The following POLR3E variants were observed in gnomAD, a reference collection of about 807,000 sequenced individuals.
The protein encoded by POLR3E is DNA-directed RNA polymerase III subunit RPC5.
A neutral mutation model predicts 96.6 loss-of-function variants in POLR3E; 41 were observed. That is an observed-to-expected ratio of 0.42 (90% confidence interval 0.33 to 0.55). The LOEUF (loss-of-function observed/expected upper bound fraction) is 0.55. Ranked by LOEUF, POLR3E falls within the 20% of genes least tolerant of loss-of-function variation. The pLI is 0.06. For missense variants in POLR3E, 849 were observed against 952.1 expected, an observed-to-expected ratio of 0.89 and a Z score of 1.43; for synonymous variants, 396 against 383.6, an observed-to-expected ratio of 1.03 and a Z score of -0.38.
rs1004313656 is a variant in POLR3E, at chr16:22,312,894, A to C, written c.365-726A>C. On this transcript the variant is annotated intron_variant, in intron 6 of 20. Transcript: ENST00000299853. ...ATCTCAAAAAAAAAAAAAAAAAAAA[A>C]AAACAGTAAAGTGCTTAAGTATTTA... Among the ~76,000 whole-genome samples the C allele has an allele frequency of 3.6e-4, 54 of 151,950 alleles. 1 individual carries two copies. In the South Asian group the frequency reaches 0.011, roughly 31 times the overall value.
intron 1 of POLR3E, among the ~76,000 whole-genome samples, chr16:22,301,295 C>G (rs2048014756): frequency 6.6e-6 from 1 of 152,068 alleles, no homozygotes; most frequent in Non-Finnish European, 1.5e-5. Flanking sequence ...AAGACTTTGG[C>G]TTTTGTCTAG....
intron 2 of POLR3E, among the ~76,000 whole-genome samples, chr16:22,303,750 C>T (rs1012124141): frequency 6.7e-6 from 1 of 150,074 alleles, no homozygotes; most frequent in East Asian, 2.0e-4. Flanking sequence ...AAGCGATTCT[C>T]CTGCCTCAGC....
chr16:22,331,772 A>G (rs1598280863), intron 19 of POLR3E: 1 of 262,942 alleles, frequency 3.8e-6, no homozygotes, highest in East Asian at 1.0e-4. Context: ...TCATCCTCTC[A>G]TGTCTCTTCA....
intron 6 of POLR3E, among the ~76,000 whole-genome samples, chr16:22,312,237 G>A (rs1166281140): frequency 6.6e-6 from 1 of 152,170 alleles, no homozygotes; most frequent in East Asian, 1.9e-4. Context: ...GCTCATGCCT[G>A]TAATCCCAGC....
Position 22,302,990 on chromosome 16 carries a change from C to T in POLR3E, c.22C>T (p.Pro8Ser). The T allele has an allele frequency of 1.2e-6, 2 of 1,613,980 alleles. No individual in the cohort carries two copies. Among genetic ancestry groups the T allele is most frequent in the Non-Finnish European group, 1.7e-6 (2 of 1,179,894 alleles). Residue 8 changes from proline (P) to serine (S), a missense_variant, in exon 2 of 21, where the codon CCA becomes TCA. Coordinates refer to ENST00000299853, the MANE Select transcript of POLR3E (RefSeq NM_018119.4). MANEEDD[P>S]VVQEIDVYLA... ...TAGTATGGCCAATGAAGAGGATGAC[C>T]CAGTTGTACAGGAGGTAACTGCTGC...
At chr16:22,303,791 T>C (rs966141167) in intron 2 of POLR3E, among the ~76,000 whole-genome samples, 4 of 147,258 alleles carry the variant, frequency 2.7e-5, no homozygotes, top group African/African-American at 7.6e-5. Flanking sequence ...CAGGTGCCCA[T>C]CACCACGCCC....
intron 20 of POLR3E, among the ~76,000 whole-genome samples, chr16:22,332,670 G>A (rs951387003): frequency 3.3e-5 from 5 of 152,070 alleles, no homozygotes; most frequent in African/African-American, 1.2e-4. Context: ...CTTGAATTTT[G>A]AACTATCTTC....
intron 20 of POLR3E, among the ~76,000 whole-genome samples, chr16:22,332,603 T>C (rs1307777835): frequency 1.3e-5 from 2 of 152,146 alleles, no homozygotes; most frequent in Non-Finnish European, 2.9e-5. Context: ...AGCTTGGCAG[T>C]GGGTAGGCGT....
At chr16:22,316,801 C>A in intron 10 of POLR3E, 115 bp downstream of exon 10, 1 of 1,013,270 alleles carries the variant, frequency 9.9e-7, no homozygotes, top group East Asian at 2.4e-5. Context: ...GGGTGGAGCC[C>A]ATTGTCCCCT....
intron 13 of POLR3E, among the ~76,000 whole-genome samples, chr16:22,319,635 G>A (rs1053651650): frequency 1.3e-5 from 2 of 152,058 alleles, no homozygotes; most frequent in African/African-American, 2.4e-5. Flanking sequence ...TCCTGACCTC[G>A]TGATCTGCCC....
chr16:22,333,037 C>T (rs2048775867), intron 20 of POLR3E, among the ~76,000 whole-genome samples: 1 of 134,236 alleles, frequency 7.4e-6, no homozygotes, highest in African/African-American at 2.9e-5. Flanking sequence ...TGCAGTAGCA[C>T]AATCTCGGCT....
rs770306079 is a variant in POLR3E, at chr16:22,322,978, G to A, written c.1068+47G>A. The A allele has an allele frequency of 2.3e-6, 3 of 1,329,338 alleles. No homozygotes were observed. Among genetic ancestry groups the A allele is most frequent in the South Asian group, 1.2e-5 (1 of 82,310 alleles). The allele number at this position is 1,329,338 out of a possible 1,614,324, so 82.3% of individuals were successfully genotyped here. ...GACTCACGGTGGGGGCGTGGGAAGA[G>A]GGGGGCAGCGGTGCAGGGCTTCTGA... On this transcript the variant is annotated intron_variant, in intron 14 of 20. Coordinates refer to ENST00000299853, the MANE Select transcript of POLR3E (RefSeq NM_018119.4). This position sits in a 1 kb window ranked among gnomAD's most constrained non-coding sequence, Gnocchi z 5.2.
intron 3 of POLR3E, among the ~76,000 whole-genome samples, chr16:22,306,416 G>A (rs975383973): frequency 2.6e-5 from 4 of 152,046 alleles, no homozygotes; most frequent in South Asian, 2.1e-4. Flanking sequence ...CCACAAGCCC[G>A]GCTAATTTTT....
chr16:22,326,654 T>A lies in POLR3E; in HGVS notation c.1866+376T>A, dbSNP rs546722208. ...ATTTAACTTCTAAGATCGTTTGATC[T>A]TCTTTGCAATCTGCAGATGAAGAAA... On this transcript the variant is annotated intron_variant, in intron 18 of 20. Transcript: ENST00000299853. 2.0e-4 allele frequency: 66 copies of A among 334,980 alleles called. 1 individual carries two copies. Among genetic ancestry groups the A allele is most frequent in the South Asian group, 1.9e-3 (66 of 34,894 alleles). 20.8% of individuals were successfully genotyped at this position (334,980 alleles called of 1,614,324 possible).
In POLR3E at chr16:22,326,285, A is replaced by G; in HGVS notation, c.1866+7A>G. The stretch of plus-strand genomic sequence containing the variant: ...CAAGCAGATACTGGTGCCTGTAAGT[A>G]GAGCCCTGCCTGCCAGGGGCATGGG... On this transcript the variant is annotated splice_region_variant and intron_variant, in intron 18 of 20. Coordinates refer to ENST00000299853, the MANE Select transcript of POLR3E (RefSeq NM_018119.4). 1.3e-6 allele frequency: 1 copy of G among 761,890 alleles called. No individual in the cohort carries two copies. The highest frequency in any genetic ancestry group is 2.0e-6 in the Non-Finnish European group (1 of 491,426). The allele number at this position is 761,890 out of a possible 1,614,324, so 47.2% of individuals were successfully genotyped here.
At chr16:22,317,327 C>T in intron 12 of POLR3E, 121 bp downstream of exon 12, 2 of 714,390 alleles carry the variant, frequency 2.8e-6, no homozygotes, top group Non-Finnish European at 4.7e-6. Flanking sequence ...CACAGCCTGC[C>T]CAGCTTTGCA....
At chr16:22,324,247 T>C in intron 14 of POLR3E, 107 bp from the exon 15 acceptor site, 1 of 857,354 alleles carries the variant, frequency 1.2e-6, no homozygotes, top group Non-Finnish European at 2.0e-6. Flanking sequence ...GCCAGGAGCC[T>C]AGGACTGTCC....
Position 22,333,844 on chromosome 16 carries a change from A to G in POLR3E, c.*144A>G. The G allele has an allele frequency of 1.6e-6, 1 of 613,224 alleles. No individual in the cohort carries two copies. Among genetic ancestry groups the G allele is most frequent in the Admixed American group, 2.6e-5 (1 of 38,658 alleles). 38.0% of individuals were successfully genotyped at this position (613,224 alleles called of 1,614,324 possible). Reference sequence around the variant, plus strand: ...CCTGTGGCATTGCACGGTGCAGTGGACAGAAGGGATTATCCTCAGCCAGTC... The same window carrying G: ...CCTGTGGCATTGCACGGTGCAGTGGGCAGAAGGGATTATCCTCAGCCAGTC... On this transcript the variant is annotated 3_prime_UTR_variant, in exon 21 of 21. Transcript: ENST00000299853.
chr16:22,317,659 GTTGTTGTT>G lies in POLR3E; in HGVS notation c.865+456_865+463del, dbSNP rs1388166246. Reference sequence around the variant, plus strand: ...GCTTTTTGTTGTTGTTGTTGTTGTTGTTGTTGTTTTTTTTTTTAAGGTTTTTTTAAAGG... The same window carrying G: ...GCTTTTTGTTGTTGTTGTTGTTGTTGTTTTTTTTTAAGGTTTTTTTAAAGG... On this transcript the variant is annotated intron_variant, in intron 12 of 20. Coordinates refer to ENST00000299853, the MANE Select transcript of POLR3E (RefSeq NM_018119.4). 1.0e-4 allele frequency among the ~76,000 whole-genome samples: 15 copies of G among 149,366 alleles called. No individual in the cohort carries two copies. The East Asian group carries it at 1.4e-3, about 14-fold the overall frequency.
Sources: allele counts gnomAD v4.1 joint callset (sites outside exome capture counted in the v4.1 genomes callset), GRCh38; gene constraint gnomAD v4.1.1; non-coding constraint Gnocchi (gnomAD v3.1); transcripts MANE v1.5; gene names NCBI Gene and HGNC (gene_info 2026-07-23, HGNC 2026-07-21).